RASGRP1: variants seen among roughly 807,000 people sequenced by gnomAD.
The protein encoded by RASGRP1 is RAS guanyl-releasing protein 1.
RASGRP1 carries 37 observed loss-of-function variants against 95.1 expected under a neutral mutation model. The ratio of observed to expected loss-of-function variants is 0.39; its 90% CI spans 0.30 to 0.51. RASGRP1 has a LOEUF of 0.51. Among genes scored for constraint, RASGRP1 ranks in the 20% least tolerant of loss-of-function variants. The pLI is 0.80. For synonymous variants in RASGRP1, 325 were observed against 353.4 expected (o/e 0.92, Z 0.90); for missense variants, 711 against 965.4 (o/e 0.74, Z 3.49).
chr15:38,514,267 T>A (rs1483945512), intron 6 of RASGRP1, among the ~76,000 whole-genome samples: 1 of 152,152 alleles, frequency 6.6e-6, no homozygotes, highest in African/African-American at 2.4e-5. Flanking sequence ...GTGGAAAACC[T>A]ATGAGTAGGA....
intron 1 of RASGRP1, among the ~76,000 whole-genome samples, chr15:38,561,069 C>T (rs1040476872): frequency 6.6e-6 from 1 of 152,180 alleles, no homozygotes; most frequent in Non-Finnish European, 1.5e-5. Flanking sequence ...ATTCTCCTCT[C>T]TCTACTGTGG....
At chr15:38,502,836 A>G (rs1891092694) in intron 11 of RASGRP1, 1 of 227,056 alleles carries the variant, frequency 4.4e-6, no homozygotes, top group Admixed American at 5.1e-5. Context: ...TTACGCTCTT[A>G]GTTTTCCATT....
chr15:38,522,792 C>T (rs971847565), intron 3 of RASGRP1, among the ~76,000 whole-genome samples: 2 of 152,130 alleles, frequency 1.3e-5, no homozygotes, highest in East Asian at 1.9e-4. Flanking sequence ...AGGAAAAACT[C>T]GCTGGGAACA....
At chr15:38,528,924 CCT>C (rs990798788) in intron 2 of RASGRP1, among the ~76,000 whole-genome samples, 3 of 152,146 alleles carry the variant, frequency 2.0e-5, no homozygotes, top group African/African-American at 7.2e-5. Context: ...CTCTCCCTCC[CCT>C]GAGTTCATTG....
At chr15:38,536,636 C>T (rs1892658365) in intron 2 of RASGRP1, among the ~76,000 whole-genome samples, 1 of 152,222 alleles carries the variant, frequency 6.6e-6, no homozygotes, top group Admixed American at 6.5e-5. Flanking sequence ...TTGGTCCCAT[C>T]AGACCCACAA....
chr15:38,542,898 TATATATACAC>T (rs1239865775), intron 2 of RASGRP1, among the ~76,000 whole-genome samples: 1 of 139,900 alleles, frequency 7.1e-6, no homozygotes, highest in Non-Finnish European at 1.5e-5. Flanking sequence ...TATATGTGTA[TATATATACAC>T]ATATATATGT....
chr15:38,560,339 G>C, intron 1 of RASGRP1: 1 of 304,734 alleles, frequency 3.3e-6, no homozygotes, highest in Non-Finnish European at 6.2e-6. Context: ...CATTTTTTCA[G>C]CTACTAAGCC....
intron 16 of RASGRP1, among the ~76,000 whole-genome samples, 163 bp from the exon 17 acceptor site, chr15:38,490,851 T>G (rs1417664178): frequency 6.6e-6 from 1 of 152,206 alleles, no homozygotes; most frequent in African/African-American, 2.4e-5. Context: ...AATAGCAAGT[T>G]AAATATCAAA....
At chr15:38,499,016 A>G (rs768061866) in intron 14 of RASGRP1, 70 bp from the exon 15 acceptor site, 1 of 1,593,942 alleles carries the variant, frequency 6.3e-7, no homozygotes, top group Non-Finnish European at 8.6e-7. Context: ...CTCACAACCA[A>G]ATTCATGCAG....
intron 4 of RASGRP1, among the ~76,000 whole-genome samples, chr15:38,518,877 A>C (rs2141127466): frequency 6.6e-6 from 1 of 152,324 alleles, no homozygotes; most frequent in Non-Finnish European, 1.5e-5. Flanking sequence ...GAAAACTATA[A>C]GATATAAAAC....
rs1486826067 is a variant in RASGRP1 at position 38,511,636 on chromosome 15, T to C, written c.934A>G (p.Thr312Ala). Residue 312 changes from threonine to alanine, a missense_variant, in exon 8 of 17, where the codon ACA (threonine) becomes GCA (alanine). Around this residue, in one of 3 missense-constraint regions of RASGRP1, gnomAD observed 491 missense variants for 676.6 expected, o/e 0.73. Coordinates refer to ENST00000310803, the MANE Select transcript of RASGRP1 (RefSeq NM_005739.4). The part of the protein sequence containing the change: ...CHSSISRLKE[T>A]SSHVPHEINK... The stretch of plus-strand genomic sequence containing the variant: ...ATTTCATGTGGGACATGCGAACTTG[T>C]CTCCTTGAGCCTCGAGATTGAGCTG... The C allele has an allele frequency of 6.2e-7, 1 of 1,613,476 alleles. No homozygotes were observed. The highest frequency in any genetic ancestry group is 1.3e-5 in the African/African-American group (1 of 74,874).
intron 3 of RASGRP1, among the ~76,000 whole-genome samples, chr15:38,523,485 TATAAC>T (rs1051144592): frequency 3.3e-5 from 5 of 152,214 alleles, no homozygotes; most frequent in Non-Finnish European, 1.5e-5. Context: ...AAATTAAGTT[TATAAC>T]ATAAAGTCAC....
In RASGRP1 at chr15:38,511,616, A is replaced by T. The variant is rs1200453306; in HGVS notation, c.954T>A (p.His318Gln). 1.9e-6 allele frequency: 3 copies of T among 1,612,692 alleles called. No homozygotes were observed. The African/African-American group carries it at 4.0e-5, about 22-fold the overall frequency. Residue 318 changes from histidine (H) to glutamine (Q), a missense_variant, in exon 8 of 17, where the codon CAT becomes CAA. Physicochemically the swap from His to Gln is conservative, Grantham distance 24. This residue lies in a region of RASGRP1 where 491 missense variants were observed against 676.6 expected (regional missense o/e 0.73). Coordinates refer to ENST00000310803, the MANE Select transcript of RASGRP1 (RefSeq NM_005739.4). ...CAGTAGCACTGACCTTATTGATTTC[A>T]TGTGGGACATGCGAACTTGTCTCCT... The part of the protein sequence containing the change: ...RLKETSSHVP[H>Q]EINKVLGEMT...
At position 38,494,501 on chromosome 15, in the gene RASGRP1, G is replaced by A; in HGVS notation, c.2140C>T (p.Pro714Ser). 1 of 1,605,990 alleles carries A rather than the reference G, an allele frequency of 6.2e-7. No homozygotes were observed. Among genetic ancestry groups the A allele is most frequent in the Non-Finnish European group, 8.5e-7 (1 of 1,176,050 alleles). Reference protein sequence around the residue: ...YVLPSPTSPCPSPVLVRKRAF... With the variant: ...YVLPSPTSPCSSPVLVRKRAF... ...CGCTTTCTGACCAAGACTGGGCTAG[G>A]ACATGGAGAGGTGGGACTGGGAAGC... The change falls in exon 16 of 17, where the codon CCT (proline) becomes TCT (serine). Residue 714 changes from proline (P) to serine (S), a missense_variant. Pro to Ser is a moderately conservative substitution (Grantham distance 74, BLOSUM62 -1). Coordinates refer to ENST00000310803, the MANE Select transcript of RASGRP1 (RefSeq NM_005739.4).
intron 7 of RASGRP1, 27 bp downstream of exon 7, chr15:38,512,756 G>A (rs1447516781): frequency 6.2e-7 from 1 of 1,612,764 alleles, no homozygotes. Flanking sequence ...TATAGCCCAA[G>A]CCAAATGTCT....
chr15:38,494,567 G>A lies in RASGRP1; in HGVS notation c.2074C>T (p.Leu692=). The A allele has an allele frequency of 6.4e-7, 1 of 1,570,514 alleles. No homozygotes were observed. Among genetic ancestry groups the A allele is most frequent in the Non-Finnish European group, 8.6e-7 (1 of 1,159,456 alleles). The change falls in exon 16 of 17, where the codon CTG becomes TTG. Residue 692 remains leucine, a synonymous_variant. Coordinates refer to ENST00000310803, the MANE Select transcript of RASGRP1 (RefSeq NM_005739.4). Reference sequence around the variant, plus strand: ...TGGGCTGTCTTCCTTGGGGAAGACAGCACAAAGGGACCTGAAGGGCCCTCA... The same window carrying A: ...TGGGCTGTCTTCCTTGGGGAAGACAACACAAAGGGACCTGAAGGGCCCTCA... ...GSEGPSGPFV[L]SSPRKTAQDT...
chr15:38,519,599 G>A (rs1891920461), intron 3 of RASGRP1, among the ~76,000 whole-genome samples: 1 of 152,048 alleles, frequency 6.6e-6, no homozygotes, highest in Non-Finnish European at 1.5e-5. Flanking sequence ...AGCCCACGTC[G>A]ACCTGGCTTA....
At chr15:38,494,857 T>C (rs914085149) in intron 15 of RASGRP1, 90 bp from the exon 16 acceptor site, 19 of 1,145,148 alleles carry the variant, frequency 1.7e-5, no homozygotes, top group African/African-American at 1.4e-4. Flanking sequence ...ACCTTTCTTA[T>C]TGTTACTGGA....
intron 3 of RASGRP1, among the ~76,000 whole-genome samples, chr15:38,522,772 G>A (rs1280232957): frequency 1.3e-5 from 2 of 152,100 alleles, no homozygotes; most frequent in Non-Finnish European, 2.9e-5. Context: ...AGAGAGCTAC[G>A]GAATGAAGCA....
Sources: allele counts gnomAD v4.1 joint callset (sites outside exome capture counted in the v4.1 genomes callset), GRCh38; gene constraint gnomAD v4.1.1; regional missense constraint gnomAD v4.1.1; transcripts MANE v1.5; gene names NCBI Gene and HGNC (gene_info 2026-07-23, HGNC 2026-07-21).